The following B3GALT1 variants were observed in gnomAD, a reference collection of about 807,000 sequenced individuals.
The protein encoded by B3GALT1 is beta-1,3-galactosyltransferase 1.
A neutral mutation model predicts 23.2 loss-of-function variants in B3GALT1; 10 were observed. The observed-to-expected ratio is 0.43, with a 90% CI of 0.27 to 0.73. B3GALT1 has a LOEUF of 0.73. Ranked by LOEUF, B3GALT1 falls within the 30% of genes least tolerant of loss-of-function variation. B3GALT1 has a pLI of 0.21. For synonymous variants in B3GALT1, 156 were observed against 141.5 expected (o/e 1.10, Z -0.73); for missense variants, 299 against 405.4 (o/e 0.74, Z 2.25).
intron 3 of B3GALT1, among the ~76,000 whole-genome samples, chr2:167,653,347 C>T (rs557529403): frequency 7.2e-5 from 11 of 152,202 alleles, no homozygotes; most frequent in East Asian, 1.9e-4. Flanking sequence ...TTTTAGTCTT[C>T]GGACTTATAT....
chr2:167,545,720 A>G (rs1387661808), intron 2 of B3GALT1, among the ~76,000 whole-genome samples: 1 of 152,192 alleles, frequency 6.6e-6, no homozygotes, highest in African/African-American at 2.4e-5. Context: ...AAGTCCCCAC[A>G]GACTCCTTCA....
intron 2 of B3GALT1, among the ~76,000 whole-genome samples, chr2:167,565,863 G>T (rs1188651899): frequency 6.6e-6 from 1 of 151,910 alleles, no homozygotes; most frequent in Non-Finnish European, 1.5e-5. Flanking sequence ...AGGTGCTGGA[G>T]AGGATGTGGA....
intron 1 of B3GALT1, among the ~76,000 whole-genome samples, chr2:167,328,981 T>A (rs981709936): frequency 3.3e-5 from 5 of 151,422 alleles, no homozygotes; most frequent in Admixed American, 3.3e-4. Flanking sequence ...CCTGGCTGAT[T>A]TTTGTATTTT....
At chr2:167,344,116 T>C (rs1697190924) in intron 1 of B3GALT1, among the ~76,000 whole-genome samples, 1 of 152,186 alleles carries the variant, frequency 6.6e-6, no homozygotes, top group African/African-American at 2.4e-5. Flanking sequence ...TGGATGAGTA[T>C]GATTAATAAG....
chr2:167,501,594 A>G (rs1699848616), intron 2 of B3GALT1, among the ~76,000 whole-genome samples: 1 of 151,906 alleles, frequency 6.6e-6, no homozygotes. Flanking sequence ...TCATTATGAA[A>G]CAATTTGCAT....
chr2:167,512,278 T>C (rs960864284), intron 2 of B3GALT1, among the ~76,000 whole-genome samples: 109 of 151,878 alleles, frequency 7.2e-4, no homozygotes, highest in African/African-American at 2.4e-3. Flanking sequence ...ATATCTCTTA[T>C]ATTCCTAGGC....
chr2:167,745,802 A>G (rs376020453), intron 3 of B3GALT1, among the ~76,000 whole-genome samples: 111 of 152,252 alleles, frequency 7.3e-4, no homozygotes, highest in African/African-American at 2.4e-3. Flanking sequence ...TCCATTATCT[A>G]TCTGTGGATG....
chr2:167,394,751 C>A (rs1405441061), intron 1 of B3GALT1, among the ~76,000 whole-genome samples: 3 of 152,074 alleles, frequency 2.0e-5, no homozygotes, highest in Admixed American at 6.6e-5. Flanking sequence ...GAAGAAGAGA[C>A]CAGAAGACAA....
chr2:167,828,018 A>G (rs1226487451), intron 4 of B3GALT1, among the ~76,000 whole-genome samples: 1 of 152,172 alleles, frequency 6.6e-6, no homozygotes, highest in Non-Finnish European at 1.5e-5. Flanking sequence ...AACACACAGA[A>G]TTAAGTAAGG....
intron 2 of B3GALT1, among the ~76,000 whole-genome samples, chr2:167,559,201 G>A (rs1390370165): frequency 6.6e-6 from 1 of 152,206 alleles, no homozygotes; most frequent in African/African-American, 2.4e-5. Context: ...GGCAAACATG[G>A]TCTGGAGTGG....
chr2:167,673,065 T>G (rs1181550508), intron 3 of B3GALT1, among the ~76,000 whole-genome samples: 1 of 151,452 alleles, frequency 6.6e-6, no homozygotes, highest in Admixed American at 6.6e-5. Context: ...TAGACTCAAT[T>G]AGGAGTTGAG....
chr2:167,776,077 C>CACACAT (rs1688157859), intron 3 of B3GALT1, among the ~76,000 whole-genome samples: 1 of 146,206 alleles, frequency 6.8e-6, no homozygotes, highest in African/African-American at 2.5e-5. Flanking sequence ...CACACACACA[C>CACACAT]AATTATAGGT....
intron 4 of B3GALT1, among the ~76,000 whole-genome samples, chr2:167,834,275 A>G (rs1385972360): frequency 6.6e-6 from 1 of 152,220 alleles, no homozygotes; most frequent in Admixed American, 6.5e-5. Context: ...CCCAGAGTAG[A>G]AAATTTAAGC....
At chr2:167,832,206 C>T (rs1689366656) in intron 4 of B3GALT1, among the ~76,000 whole-genome samples, 1 of 152,214 alleles carries the variant, frequency 6.6e-6, no homozygotes, top group Admixed American at 6.5e-5. Flanking sequence ...ATGACAATTT[C>T]ATGTGCTTCC....
chr2:167,512,611 TATATATATACGTGTATATATATATAC>T (rs1295902957), intron 2 of B3GALT1, among the ~76,000 whole-genome samples: 3 of 101,130 alleles, frequency 3.0e-5, no homozygotes, highest in African/African-American at 1.7e-4. Context: ...TATATATGTA[TATATATATACGTGTATATATATATAC>T]ATATATATAT....
At chr2:167,678,406 A>G (rs569204882) in intron 3 of B3GALT1, among the ~76,000 whole-genome samples, 227 of 152,334 alleles carry the variant, frequency 1.5e-3, no homozygotes, top group Non-Finnish European at 2.7e-3. Context: ...AGGTTATTCA[A>G]TGACTAGGAA....
chr2:167,350,101 A>G (rs1488909804), intron 1 of B3GALT1, among the ~76,000 whole-genome samples: 4 of 152,208 alleles, frequency 2.6e-5, no homozygotes, highest in Admixed American at 6.5e-5. Flanking sequence ...AAGGATTTTT[A>G]TGTGTAATCT....
chr2:167,603,164 C>G (rs1257882130), intron 2 of B3GALT1, among the ~76,000 whole-genome samples: 2 of 152,140 alleles, frequency 1.3e-5, no homozygotes, highest in Admixed American at 6.6e-5. Context: ...ATTAAGATAA[C>G]TAATTCTAGT....
At chr2:167,532,770 G>A (rs1683350301) in intron 2 of B3GALT1, among the ~76,000 whole-genome samples, 1 of 143,322 alleles carries the variant, frequency 7.0e-6, no homozygotes. Context: ...TGTATATTTT[G>A]TTTATATCCT....
Sources: allele counts gnomAD v4.1 joint callset (sites outside exome capture counted in the v4.1 genomes callset), GRCh38; gene constraint gnomAD v4.1.1; transcripts MANE v1.5; gene names NCBI Gene and HGNC (gene_info 2026-07-23, HGNC 2026-07-21).